The following CMTM6 variants were observed in gnomAD, a reference collection of about 807,000 sequenced individuals.
CMTM6 encodes the protein CKLF-like MARVEL transmembrane domain-containing protein 6.
In CMTM6, 5 loss-of-function variants were observed where a neutral mutation model predicts 13.6. The observed-to-expected ratio is 0.37, with a 90% CI of 0.19 to 0.77. CMTM6 has a LOEUF of 0.77. CMTM6 is among the 30% of genes least tolerant of loss of function. The pLI is 0.50. For missense variants in CMTM6, 196 were observed against 218.6 expected, an observed-to-expected ratio of 0.90 and a Z score of 0.65; for synonymous variants, 99 against 84.5, an observed-to-expected ratio of 1.17 and a Z score of -0.94.
Position 32,483,760 on chromosome 3 carries a change from TA to T in CMTM6, c.*199del, listed in dbSNP as rs200527642. ...TTTGAGATAAGTTTCAATTATTATT[TA>T]AAAAAAAATTTTTTTTAACTTATCT... On this transcript the variant is annotated 3_prime_UTR_variant, in exon 4 of 4. Transcript: ENST00000205636. 1.4e-4 allele frequency: 54 copies of T among 382,738 alleles called. No homozygotes were observed. The highest frequency in any genetic ancestry group is 4.2e-4 in the African/African-American group (20 of 48,008). The allele number at this position is 382,738 out of a possible 1,614,324, so 23.7% of individuals were successfully genotyped here.
intron 3 of CMTM6, among the ~76,000 whole-genome samples, chr3:32,486,419 CTT>C (rs1697206002): frequency 1.3e-5 from 2 of 148,730 alleles, no homozygotes; most frequent in South Asian, 4.2e-4. Flanking sequence ...ACTACTTAGT[CTT>C]TTCTTATCCC....
chr3:32,500,846 C>T (rs879923200), intron 1 of CMTM6, among the ~76,000 whole-genome samples: 1 of 152,114 alleles, frequency 6.6e-6, no homozygotes, highest in Non-Finnish European at 1.5e-5. Flanking sequence ...CAACTGAAAA[C>T]AGGAGATTTT....
At chr3:32,491,960 A>G in intron 1 of CMTM6, 74 bp from the exon 2 acceptor site, 1 of 1,228,366 alleles carries the variant, frequency 8.1e-7, no homozygotes, top group Admixed American at 2.7e-5. Context: ...CTGTTTCTGA[A>G]TAATACGTTT....
At chr3:32,492,157 G>A (rs1217316269) in intron 1 of CMTM6, among the ~76,000 whole-genome samples, 1 of 152,172 alleles carries the variant, frequency 6.6e-6, no homozygotes, top group Non-Finnish European at 1.5e-5. Flanking sequence ...CAGGAGAGAC[G>A]CTCAACTGCG....
At chr3:32,486,341 A>T (rs1697205246) in intron 3 of CMTM6, among the ~76,000 whole-genome samples, 1 of 152,348 alleles carries the variant, frequency 6.6e-6, no homozygotes, top group South Asian at 2.1e-4. Flanking sequence ...GAACTACATT[A>T]ACTCAAGGTT....
chr3:32,492,797 G>A (rs915321361), intron 1 of CMTM6, among the ~76,000 whole-genome samples: 1 of 152,162 alleles, frequency 6.6e-6, no homozygotes, highest in Non-Finnish European at 1.5e-5. Context: ...ACTTAAAAAC[G>A]CACATTTATT....
intron 2 of CMTM6, among the ~76,000 whole-genome samples, chr3:32,491,254 T>C (rs1697247890): frequency 6.6e-6 from 1 of 152,246 alleles, no homozygotes; most frequent in African/African-American, 2.4e-5. Flanking sequence ...TTTTCCCCAA[T>C]CACTGAAGCT....
intron 3 of CMTM6, among the ~76,000 whole-genome samples, chr3:32,487,001 C>G (rs1429171094): frequency 1.3e-5 from 2 of 152,192 alleles, no homozygotes; most frequent in African/African-American, 4.8e-5. Flanking sequence ...AACCATGAGG[C>G]AATTAAACCT....
chr3:32,502,734 T>A lies in CMTM6; in HGVS notation c.12A>T (p.Gly4=). Residue 4 remains glycine, a synonymous_variant, in exon 1 of 4, where the codon GGA becomes GGT. Transcript: ENST00000205636. ...CCTCCGTAGTGGGGCTGTACACCGCTCCGTTCTCCATCGCCTCGGGCCGGG... is the reference window on the plus strand; with the variant it reads ...CCTCCGTAGTGGGGCTGTACACCGCACCGTTCTCCATCGCCTCGGGCCGGG... MEN[G]AVYSPTTEED... 1 of 1,501,840 alleles carries A rather than the reference T, an allele frequency of 6.7e-7. No individual in the cohort carries two copies. The highest frequency in any genetic ancestry group is 8.9e-7 in the Non-Finnish European group (1 of 1,127,742). 93.0% of individuals were successfully genotyped at this position (1,501,840 alleles called of 1,614,324 possible).
rs1417905553 is a variant in CMTM6 at position 32,481,951 on chromosome 3, CCTGA to C, written c.*2005_*2008del. The C allele has an allele frequency of 6.6e-6, 1 of 152,214 alleles. No individual in the cohort carries two copies. The highest frequency in any genetic ancestry group is 1.5e-5 in the Non-Finnish European group (1 of 68,040). 9.4% of individuals were successfully genotyped at this position (152,214 alleles called of 1,614,324 possible). A position where few individuals can be genotyped will look rare whatever the true frequency, so the allele number is the denominator to read the frequency against. ...GCCAGCTGAGAATGTATCTGTCAATCCTGACTAAGCCCAATACATGGGTGGTGAC... is the reference window on the plus strand; with the variant it reads ...GCCAGCTGAGAATGTATCTGTCAATCCTAAGCCCAATACATGGGTGGTGAC... On this transcript the variant is annotated 3_prime_UTR_variant, in exon 4 of 4. Coordinates refer to ENST00000205636, the MANE Select transcript of CMTM6 (RefSeq NM_017801.3).
In CMTM6 at chr3:32,502,638, C is replaced by T. The variant is rs536210258; in HGVS notation, c.108G>A (p.Leu36=). ...GCAAGCCCTTGAGAACGCGCCGGAG[C>T]AATGGGAGCCGGCCCATGAAAAAGT... is the stretch of plus-strand genomic sequence containing the variant. ...AAYFFMGRLP[L]LRRVLKGLQL... The change falls in exon 1 of 4, where the codon TTG becomes TTA. Residue 36 remains leucine (L), a synonymous_variant. Transcript: ENST00000205636. 12 of 1,596,490 alleles carry T rather than the reference C, an allele frequency of 7.5e-6. No homozygotes were observed. The highest frequency in any genetic ancestry group is 1.0e-5 in the Non-Finnish European group (12 of 1,173,320).
intron 1 of CMTM6, among the ~76,000 whole-genome samples, chr3:32,501,056 C>T (rs889674957): frequency 1.4e-4 from 21 of 151,104 alleles, no homozygotes; most frequent in Admixed American, 7.2e-4. Context: ...AAAAATCAGC[C>T]GGGCATGGAG....
chr3:32,485,387 CTAAT>C (rs1221934719), intron 3 of CMTM6, among the ~76,000 whole-genome samples: 2 of 151,970 alleles, frequency 1.3e-5, no homozygotes, highest in Admixed American at 6.6e-5. Flanking sequence ...CTGGGACAGT[CTAAT>C]TAAAATATAA....
In CMTM6 at chr3:32,481,782, TACC is replaced by T. The variant is rs1174373631; in HGVS notation, c.*2175_*2177del. The T allele has an allele frequency of 1.3e-5, 2 of 152,334 alleles. No homozygotes were observed. Among genetic ancestry groups the T allele is most frequent in the Middle Eastern group, 6.8e-3 (2 of 294 alleles). 9.4% of individuals were successfully genotyped at this position (152,334 alleles called of 1,614,324 possible). A position where few individuals can be genotyped will look rare whatever the true frequency, so the allele number is the denominator to read the frequency against. On this transcript the variant is annotated 3_prime_UTR_variant, in exon 4 of 4. Transcript: ENST00000205636. ...GGAAGGTTCTAAGAGTGACCAAATA[TACC>T]AGTGAACATACTATCTTTCTGAAAA... is the stretch of plus-strand genomic sequence containing the variant.
intron 1 of CMTM6, among the ~76,000 whole-genome samples, 164 bp downstream of exon 1, chr3:32,502,444 G>A (rs139810889): frequency 6.6e-6 from 1 of 152,220 alleles, no homozygotes; most frequent in Non-Finnish European, 1.5e-5. Context: ...CGGAAGGGCG[G>A]AGGGTAACGC....
chr3:32,498,320 T>C (rs973377053), intron 1 of CMTM6, among the ~76,000 whole-genome samples: 1 of 152,216 alleles, frequency 6.6e-6, no homozygotes, highest in Non-Finnish European at 1.5e-5. Context: ...TCCCACTCTG[T>C]ACTTCCTCTC....
At chr3:32,501,055 C>G (rs1360617727) in intron 1 of CMTM6, among the ~76,000 whole-genome samples, 1 of 150,976 alleles carries the variant, frequency 6.6e-6, no homozygotes, top group East Asian at 1.9e-4. Flanking sequence ...AAAAAATCAG[C>G]CGGGCATGGA....
chr3:32,498,597 CTTTT>C (rs58720077), intron 1 of CMTM6, among the ~76,000 whole-genome samples: 3 of 127,084 alleles, frequency 2.4e-5, no homozygotes, highest in African/African-American at 9.2e-5. Context: ...ACTACCCCTT[CTTTT>C]TTTTTTTTTT....
At chr3:32,501,290 C>A (rs1291622156) in intron 1 of CMTM6, among the ~76,000 whole-genome samples, 1 of 151,636 alleles carries the variant, frequency 6.6e-6, no homozygotes, top group East Asian at 1.9e-4. Context: ...AGAAATACAG[C>A]TAATACCTAA....
Sources: gnomAD v4.1 joint callset for allele counts (sites outside exome capture counted in the v4.1 genomes callset) on GRCh38, gnomAD v4.1.1 for gene constraint, MANE v1.5 for transcripts, NCBI Gene and HGNC (gene_info 2026-07-23, HGNC 2026-07-21) for gene names.